The following GPC6 variants were observed in gnomAD, a reference collection of about 807,000 sequenced individuals.
GPC6 encodes glypican 6, also known as glypican-6.
Under a neutral mutation model 55.2 loss-of-function variants are expected in GPC6, and 14 were observed. The ratio of observed to expected loss-of-function variants is 0.25; its 90% CI spans 0.17 to 0.40. The LOEUF (loss-of-function observed/expected upper bound fraction) is 0.40. Among genes scored for constraint, GPC6 ranks in the 10% least tolerant of loss-of-function variants. GPC6 has a pLI of 1.00. For synonymous variants in GPC6, 278 were observed against 259.6 expected (o/e 1.07, Z -0.68); for missense variants, 641 against 708.5 (o/e 0.90, Z 1.08).
intron 3 of GPC6, among the ~76,000 whole-genome samples, chr13:93,935,977 C>A (rs533850337): frequency 6.6e-6 from 1 of 151,780 alleles, no homozygotes; most frequent in East Asian, 1.9e-4. Context: ...TTTTGAGAAT[C>A]GATGATAAAC....
intron 4 of GPC6, among the ~76,000 whole-genome samples, chr13:94,249,603 G>A (rs541831612): frequency 4.5e-4 from 68 of 152,184 alleles, no homozygotes; most frequent in African/African-American, 1.5e-3. Flanking sequence ...AAATTTTATG[G>A]AGGAAAAAAC....
intron 6 of GPC6, among the ~76,000 whole-genome samples, chr13:94,343,653 A>G (rs1878146556): frequency 6.6e-6 from 1 of 152,232 alleles, no homozygotes; most frequent in South Asian, 2.1e-4. Flanking sequence ...TCAGGACACA[A>G]CAGAGGCACA....
chr13:93,482,912 C>T (rs531058210), intron 1 of GPC6, among the ~76,000 whole-genome samples: 4 of 152,098 alleles, frequency 2.6e-5, no homozygotes, highest in East Asian at 1.9e-4. Flanking sequence ...ATTTTTGAAA[C>T]GTGCTTTGTG....
chr13:94,128,421 C>T (rs1298836349), intron 4 of GPC6, among the ~76,000 whole-genome samples: 1 of 152,138 alleles, frequency 6.6e-6, no homozygotes, highest in African/African-American at 2.4e-5. Flanking sequence ...TTCAAAATCT[C>T]AGTGGCTTGA....
At chr13:94,034,201 G>GAAAGAAGGAAGGAAGGAAGGAAGC (rs1442925708) in intron 4 of GPC6, among the ~76,000 whole-genome samples, 1 of 18,554 alleles carries the variant, frequency 5.4e-5, no homozygotes, top group East Asian at 8.8e-4. Flanking sequence ...AAGAAAGAAA[G>GAAAGAAGGAAGGAAGGAAGGAAGC]AAGGAAGGAA....
chr13:93,449,684 C>G lies in GPC6; in HGVS notation c.161-95579C>G, dbSNP rs189501256. 2.1e-3 allele frequency among the ~76,000 whole-genome samples: 316 copies of G among 152,034 alleles called. 3 individuals are homozygous for G. Among genetic ancestry groups the G allele is most frequent in the Middle Eastern group, 0.02 (6 of 294 alleles). ...CTCTACTAAAAATACAAAAATTAGC[C>G]AGGCGTGGTGGTGGGCACCTGTAAT... On this transcript the variant is annotated intron_variant, in intron 1 of 8. Transcript: ENST00000377047.
chr13:93,263,526 G>C (rs1253926641), intron 1 of GPC6, among the ~76,000 whole-genome samples: 1 of 151,870 alleles, frequency 6.6e-6, no homozygotes, highest in African/African-American at 2.4e-5. Flanking sequence ...CTCCACTCCC[G>C]GGTAATTTTT....
At chr13:93,579,941 C>A (rs1251277729) in intron 2 of GPC6, among the ~76,000 whole-genome samples, 2 of 152,144 alleles carry the variant, frequency 1.3e-5, no homozygotes, top group African/African-American at 4.8e-5. Flanking sequence ...TCAAAAAGTG[C>A]CCATTTTCTT....
intron 4 of GPC6, among the ~76,000 whole-genome samples, chr13:94,241,630 G>A (rs1457613935): frequency 6.6e-6 from 1 of 152,104 alleles, no homozygotes; most frequent in Non-Finnish European, 1.5e-5. Flanking sequence ...CCAGAGACTG[G>A]TTGTACCCAG....
chr13:94,238,573 A>T (rs1890951162), intron 4 of GPC6, among the ~76,000 whole-genome samples: 1 of 152,172 alleles, frequency 6.6e-6, no homozygotes, highest in African/African-American at 2.4e-5. Context: ...GAGGACTCAG[A>T]CACAGGATAA....
chr13:94,366,647 C>T (rs1879300498), intron 6 of GPC6, among the ~76,000 whole-genome samples: 1 of 152,256 alleles, frequency 6.6e-6, no homozygotes, highest in Non-Finnish European at 1.5e-5. Context: ...AATTTAGAAT[C>T]AGCACTTGTC....
chr13:94,128,032 A>G (rs1270471421), intron 4 of GPC6, among the ~76,000 whole-genome samples: 1 of 152,178 alleles, frequency 6.6e-6, no homozygotes, highest in African/African-American at 2.4e-5. Flanking sequence ...CCCTACAGGG[A>G]ATAGTAATCT....
intron 1 of GPC6, among the ~76,000 whole-genome samples, chr13:93,517,744 G>C (rs1458876601): frequency 1.3e-5 from 2 of 151,960 alleles, no homozygotes; most frequent in African/African-American, 4.8e-5. Flanking sequence ...ATGTACTACA[G>C]CAAGAGCTCT....
intron 1 of GPC6, among the ~76,000 whole-genome samples, chr13:93,486,440 G>A (rs2139348441): frequency 6.6e-6 from 1 of 152,276 alleles, no homozygotes; most frequent in East Asian, 1.9e-4. Flanking sequence ...GGTGATACAT[G>A]AAGAATTTAT....
At chr13:94,338,526 T>C (rs1877846555) in intron 6 of GPC6, among the ~76,000 whole-genome samples, 2 of 152,204 alleles carry the variant, frequency 1.3e-5, no homozygotes, top group South Asian at 4.1e-4. Context: ...TGAGGTTTTC[T>C]GACCAGCCAT....
intron 2 of GPC6, among the ~76,000 whole-genome samples, chr13:93,790,032 G>A (rs1186101963): frequency 6.6e-6 from 1 of 152,156 alleles, no homozygotes; most frequent in East Asian, 1.9e-4. Context: ...AATTGAAAAT[G>A]TGGCAACATG....
chr13:93,969,126 A>G (rs1339835953), intron 3 of GPC6, among the ~76,000 whole-genome samples: 1 of 152,186 alleles, frequency 6.6e-6, no homozygotes, highest in Non-Finnish European at 1.5e-5. Context: ...TGTGATACAC[A>G]CTGTGGTCAT....
rs1455670803 is a variant in GPC6 at position 93,427,345 on chromosome 13, A to C, written c.161-117918A>C. On this transcript the variant is annotated intron_variant, in intron 1 of 8. Coordinates refer to ENST00000377047, the MANE Select transcript of GPC6 (RefSeq NM_005708.5). ...TGGAGGCATCACACTACCTGACTTCAAACTATACTACAAGGCTACAGTAAC... is the reference window on the plus strand; with the variant it reads ...TGGAGGCATCACACTACCTGACTTCCAACTATACTACAAGGCTACAGTAAC... 5.9e-5 allele frequency among the ~76,000 whole-genome samples: 9 copies of C among 151,742 alleles called. No individual in the cohort carries two copies. In the East Asian group the frequency reaches 1.5e-3, roughly 26 times the overall value.
At chr13:94,253,824 C>G (rs191648637) in intron 4 of GPC6, among the ~76,000 whole-genome samples, 2 of 152,102 alleles carry the variant, frequency 1.3e-5, no homozygotes, top group African/African-American at 4.8e-5. Flanking sequence ...ATTAATCTCT[C>G]CTTCCTGTTT....
Sources: allele counts gnomAD v4.1 joint callset (sites outside exome capture counted in the v4.1 genomes callset), GRCh38; gene constraint gnomAD v4.1.1; transcripts MANE v1.5; gene names NCBI Gene and HGNC (gene_info 2026-07-23, HGNC 2026-07-21).